DPP10: variants seen among roughly 807,000 people sequenced by gnomAD.
The protein encoded by DPP10 is dipeptidyl peptidase like 10, also known as inactive dipeptidyl peptidase 10.
DPP10 carries 33 observed loss-of-function variants against 120.9 expected under a neutral mutation model. The ratio of observed to expected loss-of-function variants is 0.27; its 90% CI spans 0.21 to 0.37. The LOEUF (loss-of-function observed/expected upper bound fraction) is 0.37. Among genes scored for constraint, DPP10 ranks in the 10% least tolerant of loss-of-function variants. DPP10 has a pLI of 1.00. For synonymous variants in DPP10, 337 were observed against 326.1 expected (o/e 1.03, Z -0.36); for missense variants, 816 against 942.8 (o/e 0.87, Z 1.76).
intron 1 of DPP10, among the ~76,000 whole-genome samples, chr2:114,831,266 A>G (rs1297239754): frequency 6.6e-6 from 1 of 152,128 alleles, no homozygotes; most frequent in Non-Finnish European, 1.5e-5. Flanking sequence ...TCTTTATACT[A>G]GGTTCATGCA....
intron 3 of DPP10, among the ~76,000 whole-genome samples, chr2:115,347,520 A>G (rs2063768545): frequency 6.6e-6 from 1 of 152,108 alleles, no homozygotes; most frequent in Admixed American, 6.6e-5. Context: ...TCTAGGGTAC[A>G]AGTGCAGAAC....
chr2:114,761,228 A>G (rs1680252979), intron 1 of DPP10, among the ~76,000 whole-genome samples: 1 of 152,208 alleles, frequency 6.6e-6, no homozygotes, highest in Non-Finnish European at 1.5e-5. Context: ...ATAGCAAGAA[A>G]AGCAAATAAA....
At chr2:114,982,781 T>A (rs551585844) in intron 1 of DPP10, among the ~76,000 whole-genome samples, 1 of 151,796 alleles carries the variant, frequency 6.6e-6, no homozygotes, top group Non-Finnish European at 1.5e-5. Context: ...TTGCATTTTT[T>A]TTTTTTGTAG....
chr2:114,778,822 C>G (rs1682003068), intron 1 of DPP10, among the ~76,000 whole-genome samples: 1 of 152,024 alleles, frequency 6.6e-6, no homozygotes, highest in South Asian at 2.1e-4. Context: ...ATGAGTCTTG[C>G]CAGCCTCTGC....
At chr2:114,609,409 A>G (rs188839197) in intron 1 of DPP10, among the ~76,000 whole-genome samples, 7 of 152,210 alleles carry the variant, frequency 4.6e-5, no homozygotes, top group Non-Finnish European at 4.4e-5. Flanking sequence ...AGGAGCCACA[A>G]TAGTCTGTAG....
intron 1 of DPP10, among the ~76,000 whole-genome samples, chr2:115,258,134 C>T (rs2059089207): frequency 6.6e-6 from 1 of 152,084 alleles, no homozygotes; most frequent in East Asian, 1.9e-4. Context: ...AACACACTTT[C>T]AAGTTAAATT....
intron 1 of DPP10, among the ~76,000 whole-genome samples, chr2:114,873,992 A>G (rs1043196684): frequency 2.0e-5 from 3 of 152,162 alleles, no homozygotes; most frequent in Non-Finnish European, 4.4e-5. Flanking sequence ...GAGAATGACC[A>G]CTGTGTTCAA....
At chr2:115,136,647 A>C (rs918970282) in intron 1 of DPP10, among the ~76,000 whole-genome samples, 2 of 150,626 alleles carry the variant, frequency 1.3e-5, no homozygotes, top group Non-Finnish European at 3.0e-5. Flanking sequence ...AAAAACTGCA[A>C]AGGGATGGAA....
chr2:114,969,569 T>C (rs1176828500), intron 1 of DPP10, among the ~76,000 whole-genome samples: 2 of 152,216 alleles, frequency 1.3e-5, no homozygotes, highest in Non-Finnish European at 2.9e-5. Context: ...GATAATCTGC[T>C]TGACTTCTTG....
chr2:115,272,997 A>G (rs951984746), intron 1 of DPP10, among the ~76,000 whole-genome samples: 1 of 152,302 alleles, frequency 6.6e-6, no homozygotes, highest in South Asian at 2.1e-4. Flanking sequence ...ATTTGACAAA[A>G]GTGAACAACC....
At chr2:114,759,084 TA>T (rs909795844) in intron 1 of DPP10, among the ~76,000 whole-genome samples, 1 of 152,230 alleles carries the variant, frequency 6.6e-6, no homozygotes, top group African/African-American at 2.4e-5. Flanking sequence ...ATTTTGAAGT[TA>T]TTGAAAAGAC....
intron 5 of DPP10, among the ~76,000 whole-genome samples, chr2:115,628,134 C>T (rs777520289): frequency 7.2e-5 from 11 of 152,132 alleles, no homozygotes; most frequent in Admixed American, 2.6e-4. Context: ...TACATTTTCA[C>T]CAACAGTGTA....
chr2:114,690,776 T>A (rs1189113466), intron 1 of DPP10, among the ~76,000 whole-genome samples: 1 of 152,124 alleles, frequency 6.6e-6, no homozygotes, highest in Non-Finnish European at 1.5e-5. Context: ...TGGTTTGTAG[T>A]TCTCCTTGAA....
intron 1 of DPP10, among the ~76,000 whole-genome samples, chr2:115,188,025 CAGAG>C (rs1282175292): frequency 1.4e-5 from 2 of 145,504 alleles, no homozygotes; most frequent in African/African-American, 2.7e-5. Context: ...TTCAAAAAAA[CAGAG>C]AGACAGAGAG....
chr2:115,094,365 G>A (rs1299002343), intron 1 of DPP10, among the ~76,000 whole-genome samples: 1 of 152,000 alleles, frequency 6.6e-6, no homozygotes, highest in African/African-American at 2.4e-5. Context: ...TCAAATATCT[G>A]GACTGAGGTA....
intron 1 of DPP10, among the ~76,000 whole-genome samples, chr2:114,624,042 T>G (rs1694302601): frequency 6.6e-6 from 1 of 152,040 alleles, no homozygotes; most frequent in African/African-American, 2.4e-5. Flanking sequence ...ACTTAAACAG[T>G]GACTGGAGCT....
chr2:114,765,456 A>G (rs1680628711), intron 1 of DPP10, among the ~76,000 whole-genome samples: 1 of 152,180 alleles, frequency 6.6e-6, no homozygotes, highest in African/African-American at 2.4e-5. Flanking sequence ...GTGAACAAAG[A>G]GGCACTACTA....
chr2:114,677,384 C>T (rs1698739044), intron 1 of DPP10, among the ~76,000 whole-genome samples: 1 of 152,096 alleles, frequency 6.6e-6, no homozygotes, highest in South Asian at 2.1e-4. Flanking sequence ...CCATCATCTC[C>T]ATTTCTGAAT....
intron 1 of DPP10, among the ~76,000 whole-genome samples, chr2:114,995,426 G>GA (rs11449528): frequency 0.96 from 145,097 of 151,086 alleles, 69,741 homozygotes; most frequent in East Asian, 1. Context: ...TCCTTTCTCA[G>GA]AAAAAAAAAT....
Sources: allele counts gnomAD v4.1 joint callset (sites outside exome capture counted in the v4.1 genomes callset), GRCh38; gene constraint gnomAD v4.1.1; transcripts MANE v1.5; gene names NCBI Gene and HGNC (gene_info 2026-07-23, HGNC 2026-07-21).